NOXRED1: variants seen among roughly 807,000 people sequenced by gnomAD.
The protein encoded by NOXRED1 is NADP-dependent oxidoreductase domain-containing protein 1.
In NOXRED1, 20 loss-of-function variants were observed where a neutral mutation model predicts 30.4. The ratio of observed to expected loss-of-function variants is 0.66; its 90% CI spans 0.46 to 0.96. NOXRED1 has a LOEUF of 0.96. Among genes scored for constraint, NOXRED1 ranks in the 40% least tolerant of loss-of-function variants. NOXRED1 has a pLI of 0.00. For synonymous variants in NOXRED1, 155 were observed against 168.0 expected, an observed-to-expected ratio of 0.92 and a Z score of 0.60; for missense variants, 374 against 428.0, an observed-to-expected ratio of 0.87 and a Z score of 1.11.
At chr14:77,419,639 G>C (rs1308284681) in intron 1 of NOXRED1, among the ~76,000 whole-genome samples, 2 of 151,188 alleles carry the variant, frequency 1.3e-5, no homozygotes, top group Non-Finnish European at 2.9e-5. Context: ...TAGTAGAGAC[G>C]GTTTTTCACC....
At chr14:77,421,410 A>G (rs1894989065) in intron 1 of NOXRED1, among the ~76,000 whole-genome samples, 1 of 152,086 alleles carries the variant, frequency 6.6e-6, no homozygotes. Flanking sequence ...GTCAATTTTT[A>G]TTGCTATTAG....
chr14:77,395,575 C>T (rs1894159223), intron 5 of NOXRED1, among the ~76,000 whole-genome samples: 1 of 151,818 alleles, frequency 6.6e-6, no homozygotes, highest in Non-Finnish European at 1.5e-5. Context: ...GCCAAGGCAG[C>T]AGGATCACTT....
intron 1 of NOXRED1, 85 bp from the exon 2 acceptor site, chr14:77,414,212 T>G (rs1894750680): frequency 2.3e-6 from 2 of 872,056 alleles, no homozygotes; most frequent in South Asian, 4.4e-5. Flanking sequence ...GACAGAGTCT[T>G]GCTTTGTCGC....
intron 1 of NOXRED1, among the ~76,000 whole-genome samples, chr14:77,414,425 C>T (rs969999293): frequency 3.3e-5 from 5 of 152,070 alleles, no homozygotes; most frequent in South Asian, 4.1e-4. Flanking sequence ...GTGATCCACC[C>T]GTGTTGGCCT....
At chr14:77,398,418 T>C (rs1486431435) in intron 5 of NOXRED1, among the ~76,000 whole-genome samples, 3 of 152,218 alleles carry the variant, frequency 2.0e-5, no homozygotes, top group African/African-American at 7.2e-5. Flanking sequence ...CCAAACCTTC[T>C]GGGGTTTTAT....
At chr14:77,423,964 ACCCATTAAGCAGTTACTC>A (rs1361317449), upstream of NOXRED1, among the ~76,000 whole-genome samples, 1 of 152,112 alleles carries the variant, frequency 6.6e-6, no homozygotes, top group Non-Finnish European at 1.5e-5. Flanking sequence ...GAACGCCTAC[ACCCATTAAGCAGTTACTC>A]CCTATCCCTC....
intron 2 of NOXRED1, among the ~76,000 whole-genome samples, chr14:77,410,109 AT>A (rs558347412): frequency 4.7e-5 from 7 of 148,758 alleles, no homozygotes; most frequent in Admixed American, 6.7e-5. Flanking sequence ...AGTTGGTAAG[AT>A]TTTTTTTTTA....
intron 4 of NOXRED1, 115 bp from the exon 5 acceptor site, chr14:77,406,250 A>G (rs1894455272): frequency 1.5e-6 from 1 of 674,838 alleles, no homozygotes; most frequent in Non-Finnish European, 2.6e-6. Flanking sequence ...CAGATTGGTA[A>G]TATGAACCAC....
chr14:77,415,462 C>T (rs1894785018), intron 1 of NOXRED1, among the ~76,000 whole-genome samples: 2 of 152,014 alleles, frequency 1.3e-5, no homozygotes, highest in Admixed American at 1.3e-4. Flanking sequence ...CTCTGCTACT[C>T]AGAAGGCTGA....
chr14:77,419,167 G>A lies in NOXRED1; in HGVS notation c.155+3568C>T, dbSNP rs190827924. On this transcript the variant is annotated intron_variant, in intron 1 of 5. Coordinates refer to ENST00000380835, the MANE Select transcript of NOXRED1 (RefSeq NM_001113475.3). ...GATCACTGCAACCTCTGCCTCCCTG[G>A]GTTCAAGCAATTCTCCTGCCTCAGC... 4.0e-3 allele frequency among the ~76,000 whole-genome samples: 599 copies of A among 150,894 alleles called. 3 individuals carry two copies. The highest frequency in any genetic ancestry group is 6.9e-3 in the Middle Eastern group (2 of 288).
chr14:77,400,154 CA>C (rs1566706068), intron 5 of NOXRED1, among the ~76,000 whole-genome samples: 1 of 152,032 alleles, frequency 6.6e-6, no homozygotes, highest in Non-Finnish European at 1.5e-5. Flanking sequence ...AAGACTTTAC[CA>C]AACAAAAATT....
chr14:77,425,664 G>A (rs1031888545), upstream of NOXRED1, among the ~76,000 whole-genome samples: 1 of 152,248 alleles, frequency 6.6e-6, no homozygotes, highest in Non-Finnish European at 1.5e-5. Context: ...TTGCTAACAT[G>A]TGGGCAGGAT....
chr14:77,401,552 G>T (rs2139667971), intron 5 of NOXRED1, among the ~76,000 whole-genome samples: 1 of 152,210 alleles, frequency 6.6e-6, no homozygotes, highest in Admixed American at 6.5e-5. Context: ...TAAAAAATCA[G>T]CTGGGCACAA....
In NOXRED1 at chr14:77,394,775, C is replaced by T. The variant is rs1171430069; in HGVS notation, c.936G>A (p.Val312=). ...GGCTAAACGGAGTTTCCTTGAGTTG[C>T]ACAGCAGTCAGATCAAACCAGGGGA... ...RPFPWFDLTA[V]QLKETPFSQH... The change falls in exon 6 of 6, where the codon GTG becomes GTA. Residue 312 remains valine (V), a synonymous_variant. Transcript: ENST00000380835. The T allele has an allele frequency of 1.9e-6, 3 of 1,613,482 alleles. No homozygotes were observed. Among genetic ancestry groups the T allele is most frequent in the African/African-American group, 1.3e-5 (1 of 74,872 alleles).
chr14:77,407,793 A>T, intron 2 of NOXRED1, 148 bp from the exon 3 acceptor site: 1 of 607,188 alleles, frequency 1.6e-6, no homozygotes, highest in Non-Finnish European at 2.9e-6. Flanking sequence ...CTTCCTACAG[A>T]CCTTCTAAAA....
rs35389923 is a variant in NOXRED1 at position 77,395,109 on chromosome 14, C to CTTT, written c.906-307_906-305dup. 2.5e-4 allele frequency among the ~76,000 whole-genome samples: 35 copies of CTTT among 137,626 alleles called. 1 individual carries two copies. The highest frequency in any genetic ancestry group is 3.8e-4 in the Admixed American group (5 of 13,280). The allele number at this position is 137,626 out of a possible 152,430, so 90.3% of individuals were successfully genotyped here. ...CAGAAAATTTTTCTTTTTTTTCTTTCTTTTTTTTTTTTTTGAGATGGAGTC... is the reference window on the plus strand; with the variant it reads ...CAGAAAATTTTTCTTTTTTTTCTTTCTTTTTTTTTTTTTTTTTGAGATGGAGTC... On this transcript the variant is annotated intron_variant, in intron 5 of 5. Coordinates refer to ENST00000380835, the MANE Select transcript of NOXRED1 (RefSeq NM_001113475.3).
At chr14:77,418,603 C>A (rs1467783617) in intron 1 of NOXRED1, among the ~76,000 whole-genome samples, 1 of 151,996 alleles carries the variant, frequency 6.6e-6, no homozygotes, top group Non-Finnish European at 1.5e-5. Flanking sequence ...GATCATTGCT[C>A]ACTGCAGCCT....
At chr14:77,419,238 AAT>A (rs895414197) in intron 1 of NOXRED1, among the ~76,000 whole-genome samples, 13 of 149,738 alleles carry the variant, frequency 8.7e-5, no homozygotes, top group Non-Finnish European at 1.9e-4. Context: ...ATGCCCAGCT[AAT>A]TTTTGTATTT....
chr14:77,424,339 T>A (rs1051838649), upstream of NOXRED1, among the ~76,000 whole-genome samples: 1 of 152,186 alleles, frequency 6.6e-6, no homozygotes, highest in African/African-American at 2.4e-5. Flanking sequence ...GTGGCACGTC[T>A]GTAATCTCAG....
Sources: allele counts gnomAD v4.1 joint callset (sites outside exome capture counted in the v4.1 genomes callset), GRCh38; gene constraint gnomAD v4.1.1; transcripts MANE v1.5; gene names NCBI Gene and HGNC (gene_info 2026-07-23, HGNC 2026-07-21).